The following DRC9 variants were observed in gnomAD, a reference collection of about 807,000 sequenced individuals.
DRC9 encodes the protein dynein regulatory complex subunit 9, also known as dynein regulatory complex protein 9.
At chr3:197,928,410 G>A in the DRC9 span, among the ~76,000 whole-genome samples, 6 of 149,122 alleles carry the variant, frequency 4.0e-5, no homozygotes, top group South Asian at 4.2e-4. Flanking sequence ...GTGCAGTGGC[G>A]CAATCTCGGC....
the DRC9 span, chr3:197,943,842 T>A: frequency 6.2e-7 from 1 of 1,614,162 alleles, no homozygotes; most frequent in Non-Finnish European, 8.5e-7. Context: ...AGAGAGCTGG[T>A]CTGTGGTGTC....
chr3:197,953,361 A>G, the DRC9 span: 1 of 444,978 alleles, frequency 2.2e-6, no homozygotes, highest in Non-Finnish European at 4.5e-6. Context: ...GGGTGACAAG[A>G]CAACCCCGTG....
chr3:197,915,978 T>C, the DRC9 span, among the ~76,000 whole-genome samples: 1 of 151,964 alleles, frequency 6.6e-6, no homozygotes, highest in Non-Finnish European at 1.5e-5. Flanking sequence ...ATTAGTTCTT[T>C]TGTATTAAAA....
At chr3:197,960,173 C>A in the DRC9 span, 6 of 1,511,444 alleles carry the variant, frequency 4.0e-6, no homozygotes, top group Non-Finnish European at 5.4e-6. Context: ...CGTCTACCCC[C>A]AGCGGCGAGG....
the DRC9 span, among the ~76,000 whole-genome samples, chr3:197,953,255 T>G: frequency 2.0e-5 from 3 of 152,216 alleles, no homozygotes; most frequent in Non-Finnish European, 4.4e-5. Context: ...CTCACACTTG[T>G]AGCCCCAGCA....
chr3:197,941,362 C>T, the DRC9 span, among the ~76,000 whole-genome samples: 1 of 87,128 alleles, frequency 1.1e-5, no homozygotes, highest in African/African-American at 7.8e-5. Context: ...TCTTTCCCTT[C>T]CTTCCTTCCT....
the DRC9 span, among the ~76,000 whole-genome samples, chr3:197,894,894 T>C: frequency 6.6e-6 from 1 of 152,032 alleles, no homozygotes; most frequent in Non-Finnish European, 1.5e-5. Flanking sequence ...TGAGACCCCA[T>C]CTCTACAAAA....
At chr3:197,907,031 C>T in the DRC9 span, among the ~76,000 whole-genome samples, 2 of 152,260 alleles carry the variant, frequency 1.3e-5, no homozygotes, top group South Asian at 4.1e-4. Context: ...GTAAATGTGC[C>T]CACCTTATCT....
chr3:197,945,647 C>A, the DRC9 span: 1 of 1,577,148 alleles, frequency 6.3e-7, no homozygotes. Flanking sequence ...GCTTCGTTAC[C>A]CTCCGTGGTA....
chr3:197,931,706 G>A, the DRC9 span, among the ~76,000 whole-genome samples: 2 of 151,594 alleles, frequency 1.3e-5, no homozygotes, highest in South Asian at 4.2e-4. Flanking sequence ...CTCACTACAA[G>A]CTCTGCCTCC....
the DRC9 span, among the ~76,000 whole-genome samples, chr3:197,900,906 A>G: frequency 2.0e-5 from 3 of 152,184 alleles, no homozygotes; most frequent in Admixed American, 6.5e-5. The surrounding 1 kb of genome is among the most constrained non-coding windows in gnomAD (Gnocchi z 4.7). Context: ...TCTACTGACG[A>G]AAGAGCCCCC....
chr3:197,904,101 TA>T, the DRC9 span, among the ~76,000 whole-genome samples: 3 of 45,852 alleles, frequency 6.5e-5, no homozygotes, highest in Admixed American at 2.9e-4. Flanking sequence ...TATATATATA[TA>T]TATATATATT....
the DRC9 span, among the ~76,000 whole-genome samples, chr3:197,929,461 A>T: frequency 6.6e-6 from 1 of 152,114 alleles, no homozygotes; most frequent in Non-Finnish European, 1.5e-5. This position sits in a 1 kb window ranked among gnomAD's most constrained non-coding sequence, Gnocchi z 4.6. Context: ...ACCAAACACA[A>T]TTCCCCTAAC....
At chr3:197,909,088 T>A in the DRC9 span, among the ~76,000 whole-genome samples, 428 of 152,338 alleles carry the variant, frequency 2.8e-3, 2 homozygotes, top group African/African-American at 9.6e-3. Flanking sequence ...TCTGAGCAGG[T>A]GTTCTCATTC....
At chr3:197,908,131 C>T in the DRC9 span, among the ~76,000 whole-genome samples, 1 of 150,948 alleles carries the variant, frequency 6.6e-6, no homozygotes, top group Non-Finnish European at 1.5e-5. Flanking sequence ...CTTTCCAAGG[C>T]ATCCTCCCAG....
the DRC9 span, among the ~76,000 whole-genome samples, chr3:197,937,978 G>T: frequency 3.3e-5 from 5 of 151,678 alleles, no homozygotes; most frequent in Non-Finnish European, 5.9e-5. Flanking sequence ...AGGAAAAAAA[G>T]AAAAAGAAAA....
chr3:197,949,791 T>C, the DRC9 span: 2 of 353,706 alleles, frequency 5.7e-6, no homozygotes, highest in Non-Finnish European at 1.0e-5. Context: ...TGTCTATTGC[T>C]GTGTGTATCG....
the DRC9 span, among the ~76,000 whole-genome samples, chr3:197,898,593 G>C: frequency 0.018 from 2,801 of 152,262 alleles, 93 homozygotes; most frequent in African/African-American, 0.064. Flanking sequence ...ATAAAGGAAA[G>C]AGCTTTAACT....
chr3:197,932,517 C>G, the DRC9 span, among the ~76,000 whole-genome samples: 1 of 151,690 alleles, frequency 6.6e-6, no homozygotes, highest in African/African-American at 2.4e-5. Flanking sequence ...TGTCTGTAAT[C>G]CCAGCTACTC....
Sources: gnomAD v4.1 joint callset for allele counts (sites outside exome capture counted in the v4.1 genomes callset) on GRCh38, gnomAD v4.1.1 for gene constraint, Gnocchi (gnomAD v3.1) non-coding constraint, MANE v1.5 for transcripts, NCBI Gene and HGNC (gene_info 2026-07-23, HGNC 2026-07-21) for gene names.